The following TBCE variants were observed in gnomAD, a reference collection of about 807,000 sequenced individuals.
The protein encoded by TBCE is tubulin folding cofactor E, also known as tubulin-specific chaperone E.
A neutral mutation model predicts 77.0 loss-of-function variants in TBCE; 53 were observed. That is an observed-to-expected ratio of 0.69 (90% CI 0.55 to 0.87). The LOEUF is 0.87. Among genes scored for constraint, TBCE ranks in the 40% least tolerant of loss-of-function variants. TBCE has a pLI of 0.00. For missense variants in TBCE, 624 were observed against 622.4 expected, an observed-to-expected ratio of 1.00 and a Z score of -0.03; for synonymous variants, 235 against 241.3, an observed-to-expected ratio of 0.97 and a Z score of 0.24.
intron 3 of TBCE, among the ~76,000 whole-genome samples, chr1:235,404,767 T>C (rs1027650084): frequency 5.3e-5 from 8 of 151,590 alleles, no homozygotes; most frequent in Admixed American, 4.6e-4. Context: ...GTTCCAACGA[T>C]TCTCTTGCCT....
Position 235,437,422 on chromosome 1 carries a change from G to T in TBCE, c.1064G>T (p.Arg355Leu). 1 of 1,614,062 alleles carries T rather than the reference G, an allele frequency of 6.2e-7. No individual in the cohort carries two copies. Among genetic ancestry groups the T allele is most frequent in the South Asian group, 1.1e-5 (1 of 91,078 alleles). ...TKEDKEAETA[R>L]LLIIASIGQL... ...GAGGACAAAGAAGCAGAGACGGCGCGACTACTCATTATCGCCAGCATTGGC... is the reference window on the plus strand; with the variant it reads ...GAGGACAAAGAAGCAGAGACGGCGCTACTACTCATTATCGCCAGCATTGGC... The change falls in exon 12 of 17, where the codon CGA becomes CTA. Residue 355 changes from arginine (R) to leucine (L), a missense_variant. Transcript: ENST00000642610.
At chr1:235,385,642 C>T (rs955218977) in intron 2 of TBCE, among the ~76,000 whole-genome samples, 2 of 151,996 alleles carry the variant, frequency 1.3e-5, no homozygotes, top group African/African-American at 4.8e-5. Context: ...ATTGCAACCC[C>T]TGCCTTTTTT....
chr1:235,436,370 A>T lies in TBCE; in HGVS notation c.834-16A>T, dbSNP rs1248613176. 6 of 1,610,294 alleles carry T rather than the reference A, an allele frequency of 3.7e-6. No individual in the cohort carries two copies. Among genetic ancestry groups the T allele is most frequent in the South Asian group, 2.2e-5 (2 of 91,028 alleles). ...ACATTGTTCTGTGTAATCAAATTGTACATTTTGAATTTCAGGTTAGAACAA... is the reference window on the plus strand; with the variant it reads ...ACATTGTTCTGTGTAATCAAATTGTTCATTTTGAATTTCAGGTTAGAACAA... On this transcript the variant is annotated splice_polypyrimidine_tract_variant and intron_variant, in intron 9 of 16. Coordinates refer to ENST00000642610, the MANE Select transcript of TBCE (RefSeq NM_003193.5).
intron 2 of TBCE, among the ~76,000 whole-genome samples, chr1:235,382,563 C>T (rs1677745993): frequency 6.6e-6 from 1 of 152,072 alleles, no homozygotes; most frequent in African/African-American, 2.4e-5. Flanking sequence ...CTCTGATGGC[C>T]AGTGATGGTG....
At chr1:235,446,368 G>A (rs906576887) in intron 15 of TBCE, among the ~76,000 whole-genome samples, 1 of 152,020 alleles carries the variant, frequency 6.6e-6, no homozygotes, top group Non-Finnish European at 1.5e-5. Flanking sequence ...GTAGAGACGG[G>A]GTTTCTCCAT....
chr1:235,407,159 G>T (rs1679487441), intron 3 of TBCE, among the ~76,000 whole-genome samples: 1 of 148,916 alleles, frequency 6.7e-6, no homozygotes. Flanking sequence ...TTGGACGCAG[G>T]GTCTTGCTCT....
chr1:235,386,976 T>C (rs970632463), intron 2 of TBCE, among the ~76,000 whole-genome samples: 1 of 152,184 alleles, frequency 6.6e-6, no homozygotes, highest in Non-Finnish European at 1.5e-5. Flanking sequence ...GATGGGTTTT[T>C]GGTGTGGATG....
chr1:235,401,470 C>T, intron 2 of TBCE, 33 bp from the exon 3 acceptor site: 1 of 1,575,362 alleles, frequency 6.3e-7, no homozygotes, highest in Non-Finnish European at 8.7e-7. Flanking sequence ...GTATCATCAT[C>T]TGTTACTCAT....
intron 2 of TBCE, among the ~76,000 whole-genome samples, chr1:235,381,553 G>A (rs902756868): frequency 8.6e-5 from 13 of 151,382 alleles, no homozygotes; most frequent in South Asian, 2.1e-4. Flanking sequence ...ATGTGGTGGC[G>A]GGCACCTGTA....
chr1:235,432,914 T>TA lies in TBCE; in HGVS notation c.661-1288dup, dbSNP rs200349334. 4.7e-3 allele frequency: 4,777 copies of TA among 1,013,020 alleles called. 161 individuals are homozygous for TA. In the African/African-American group the frequency reaches 0.073, roughly 15 times the overall value. The allele number at this position is 1,013,020 out of a possible 1,614,324, so 62.8% of individuals were successfully genotyped here. On this transcript the variant is annotated intron_variant, in intron 7 of 16. Coordinates refer to ENST00000642610, the MANE Select transcript of TBCE (RefSeq NM_003193.5). ...TTATATAATATATAATAATTTTTTG[T>TA]AATTTTTTTTTTTGTAAAAAAAAAA...
chr1:235,402,145 C>T (rs1679149288), intron 3 of TBCE, among the ~76,000 whole-genome samples: 1 of 150,622 alleles, frequency 6.6e-6, no homozygotes, highest in African/African-American at 2.5e-5. Context: ...CTCACTGCAA[C>T]CTCCACCTCC....
intron 1 of TBCE, among the ~76,000 whole-genome samples, chr1:235,371,476 A>G (rs1460029220): frequency 6.6e-6 from 1 of 150,606 alleles, no homozygotes; most frequent in Admixed American, 6.6e-5. Context: ...CCCGGGTTCA[A>G]GTGATTCTCC....
At chr1:235,407,134 C>G (rs1204920668) in intron 3 of TBCE, among the ~76,000 whole-genome samples, 2 of 138,618 alleles carry the variant, frequency 1.4e-5, no homozygotes, top group Non-Finnish European at 1.6e-5. Flanking sequence ...TGGCCCCCGC[C>G]TTTTTTTTTT....
chr1:235,415,274 A>G (rs930037796), intron 4 of TBCE: 1 of 152,820 alleles, frequency 6.5e-6, no homozygotes, highest in Non-Finnish European at 1.5e-5. Flanking sequence ...GGGATTAAGC[A>G]CCCGGCCTTA....
chr1:235,400,229 ATAT>A (rs1679013435), intron 2 of TBCE, among the ~76,000 whole-genome samples: 1 of 151,918 alleles, frequency 6.6e-6, no homozygotes, highest in South Asian at 2.1e-4. Flanking sequence ...CGAAGAACTG[ATAT>A]TATTACTTTA....
chr1:235,408,551 C>T (rs1302294516), intron 3 of TBCE, among the ~76,000 whole-genome samples: 1 of 151,840 alleles, frequency 6.6e-6, no homozygotes, highest in African/African-American at 2.4e-5. Flanking sequence ...AGAGCAAAAT[C>T]ATAATTGTGT....
intron 5 of TBCE, among the ~76,000 whole-genome samples, chr1:235,426,064 C>T (rs963530035): frequency 3.3e-5 from 5 of 152,160 alleles, no homozygotes; most frequent in East Asian, 1.9e-4. Context: ...GCAGAATAGA[C>T]GAGTGCATTG....
chr1:235,418,686 G>A (rs996037835), intron 4 of TBCE: 2 of 153,260 alleles, frequency 1.3e-5, no homozygotes, highest in Non-Finnish European at 2.9e-5. Flanking sequence ...GCTGTAAGGT[G>A]TGAAGATGAA....
intron 8 of TBCE, 133 bp from the exon 9 acceptor site, chr1:235,435,612 C>T: frequency 1.3e-6 from 1 of 781,396 alleles, no homozygotes; most frequent in Non-Finnish European, 2.2e-6. Flanking sequence ...ACTCAGGTTG[C>T]CCCTTTACAG....
Sources: gnomAD v4.1 joint callset for allele counts (sites outside exome capture counted in the v4.1 genomes callset) on GRCh38, gnomAD v4.1.1 for gene constraint, MANE v1.5 for transcripts, NCBI Gene and HGNC (gene_info 2026-07-23, HGNC 2026-07-21) for gene names.